The following CRPPA variants were observed in gnomAD, a reference collection of about 807,000 sequenced individuals.
CRPPA encodes the protein CDP-L-ribitol pyrophosphorylase A.
In CRPPA, 43 loss-of-function variants were observed where a neutral mutation model predicts 52.0. The observed-to-expected ratio is 0.83, with a 90% confidence interval of 0.65 to 1.07. The LOEUF (loss-of-function observed/expected upper bound fraction) is 1.07. CRPPA is among the 50% of genes least tolerant of loss of function. The pLI, the probability that CRPPA is intolerant of heterozygous loss-of-function variation, is 0.00. For synonymous variants in CRPPA, 250 were observed against 203.5 expected, an observed-to-expected ratio of 1.23 and a Z score of -1.94; for missense variants, 629 against 551.7, an observed-to-expected ratio of 1.14 and a Z score of -1.40.
At chr7:16,134,961 C>A (rs1160473222) in intron 9 of CRPPA, among the ~76,000 whole-genome samples, 1 of 152,124 alleles carries the variant, frequency 6.6e-6, no homozygotes, top group Non-Finnish European at 1.5e-5. Flanking sequence ...ACTCATATAC[C>A]TGTTTTGTTG....
At chr7:16,352,244 T>A (rs1269592379) in intron 3 of CRPPA, among the ~76,000 whole-genome samples, 1 of 150,442 alleles carries the variant, frequency 6.6e-6, no homozygotes, top group African/African-American at 2.4e-5. Flanking sequence ...GAGGGGAACA[T>A]GACACACCAT....
intron 5 of CRPPA, among the ~76,000 whole-genome samples, chr7:16,286,993 C>T (rs954397554): frequency 6.6e-6 from 1 of 152,126 alleles, no homozygotes; most frequent in African/African-American, 2.4e-5. Flanking sequence ...ATAATCATTT[C>T]AATAGTCAGC....
At chr7:16,409,361 T>C (rs1004718107) in intron 1 of CRPPA, among the ~76,000 whole-genome samples, 2 of 152,206 alleles carry the variant, frequency 1.3e-5, no homozygotes, top group African/African-American at 4.8e-5. Flanking sequence ...ATTCAGTTTG[T>C]GGTAATTTTT....
chr7:16,320,917 A>G (rs1439965693), intron 3 of CRPPA, among the ~76,000 whole-genome samples: 5 of 152,196 alleles, frequency 3.3e-5, no homozygotes, highest in South Asian at 2.1e-4. Context: ...ATATAGCTAC[A>G]ACCATCACTC....
intron 3 of CRPPA, among the ~76,000 whole-genome samples, chr7:16,372,870 C>G (rs907835621): frequency 6.6e-6 from 1 of 152,066 alleles, no homozygotes; most frequent in Admixed American, 6.5e-5. Flanking sequence ...CAAATGGAAA[C>G]CAAAAGTGGG....
Position 16,100,401 on chromosome 7 carries a change from CTT to C in CRPPA, c.1252-8604_1252-8603del, listed in dbSNP as rs540455793. Among the ~76,000 whole-genome samples the C allele has an allele frequency of 2.2e-3, 342 of 152,300 alleles. 1 individual carries two copies. Among genetic ancestry groups the C allele is most frequent in the Non-Finnish European group, 4.2e-3 (283 of 68,020 alleles). On this transcript the variant is annotated intron_variant, in intron 9 of 9. Transcript: ENST00000407010. The stretch of plus-strand genomic sequence containing the variant: ...TAAATCGTAAGATACTAAAAGATAA[CTT>C]TTCCAAATTCTAAACTCAAACATAG...
chr7:16,180,949 T>C (rs1011721305), intron 9 of CRPPA, among the ~76,000 whole-genome samples: 5 of 151,886 alleles, frequency 3.3e-5, no homozygotes, highest in African/African-American at 9.7e-5. Flanking sequence ...AAAAGGAAAA[T>C]CTGTTATGAT....
chr7:16,201,444 A>G (rs1781853828), intron 9 of CRPPA, among the ~76,000 whole-genome samples: 2 of 152,122 alleles, frequency 1.3e-5, no homozygotes, highest in Admixed American at 1.3e-4. Context: ...TCCAAGCCCA[A>G]CCATAAACGA....
chr7:16,145,600 A>G (rs1782959231), intron 9 of CRPPA, among the ~76,000 whole-genome samples: 1 of 151,690 alleles, frequency 6.6e-6, no homozygotes, highest in Admixed American at 6.6e-5. Context: ...AAAACAAGAT[A>G]TGAGGAGAAT....
At chr7:16,206,798 A>G (rs754683417) in intron 9 of CRPPA, among the ~76,000 whole-genome samples, 8 of 152,140 alleles carry the variant, frequency 5.3e-5, no homozygotes, top group Non-Finnish European at 1.0e-4. Flanking sequence ...CCTGTCCATT[A>G]AAATCCAGAG....
chr7:16,169,055 TG>T (rs1562536564), intron 9 of CRPPA, among the ~76,000 whole-genome samples: 2 of 152,284 alleles, frequency 1.3e-5, no homozygotes, highest in Non-Finnish European at 2.9e-5. Context: ...GAAATCCAAC[TG>T]TAAGAAACAA....
intron 2 of CRPPA, among the ~76,000 whole-genome samples, chr7:16,402,160 A>G (rs1287284170): frequency 6.6e-6 from 1 of 152,236 alleles, no homozygotes; most frequent in African/African-American, 2.4e-5. Flanking sequence ...TCACAAGTGA[A>G]GGAAAACAGC....
At chr7:16,324,422 C>G (rs1208442528) in intron 3 of CRPPA, among the ~76,000 whole-genome samples, 2 of 152,198 alleles carry the variant, frequency 1.3e-5, no homozygotes, top group African/African-American at 4.8e-5. Flanking sequence ...GCCTAATGAA[C>G]CAGTTTGCTG....
At chr7:16,192,397 C>G (rs1310982481) in intron 9 of CRPPA, among the ~76,000 whole-genome samples, 3 of 152,092 alleles carry the variant, frequency 2.0e-5, no homozygotes, top group African/African-American at 4.8e-5. Flanking sequence ...CATGCACAAT[C>G]TGATGTGATT....
chr7:16,391,007 C>T (rs998740093), intron 2 of CRPPA, among the ~76,000 whole-genome samples: 2 of 152,060 alleles, frequency 1.3e-5, no homozygotes, highest in African/African-American at 2.4e-5. Flanking sequence ...ACATGAAGTC[C>T]CATGACTTTA....
At chr7:16,258,835 A>G (rs1422000723) in intron 7 of CRPPA, 85 bp downstream of exon 7, 2 of 761,768 alleles carry the variant, frequency 2.6e-6, no homozygotes, top group Non-Finnish European at 4.1e-6. Context: ...TCATAATATC[A>G]TATATAAATA....
At chr7:16,091,949 C>T (rs1359946963) in intron 9 of CRPPA, 150 bp from the exon 10 acceptor site, 15 of 461,404 alleles carry the variant, frequency 3.3e-5, no homozygotes, top group Non-Finnish European at 4.9e-5. Context: ...CACGGTTCCC[C>T]GAATAAAGAG....
rs1169753280 is a variant in CRPPA at position 16,389,924 on chromosome 7, A to ATATATATAT, written c.535-13684_535-13683insATATATATA. ...ACAAGCCTAGTATACAAAAAAAAAA[A>ATATATATAT]AAAAATATATATATATATATATATA... On this transcript the variant is annotated intron_variant, in intron 2 of 9. Transcript: ENST00000407010. 2.4e-3 allele frequency among the ~76,000 whole-genome samples: 148 copies of ATATATATAT among 62,454 alleles called. 1 individual carries two copies. Among genetic ancestry groups the ATATATATAT allele is most frequent in the Non-Finnish European group, 2.5e-3 (88 of 34,792 alleles). The allele number at this position is 62,454 out of a possible 152,430, so 41.0% of individuals were successfully genotyped here.
chr7:16,301,152 T>C, intron 5 of CRPPA, among the ~76,000 whole-genome samples: 1 of 152,356 alleles, frequency 6.6e-6, no homozygotes, highest in African/African-American at 2.4e-5. Context: ...TTTGCTATTT[T>C]CCTTCTAATA....
Sources: allele counts gnomAD v4.1 joint callset (sites outside exome capture counted in the v4.1 genomes callset), GRCh38; gene constraint gnomAD v4.1.1; transcripts MANE v1.5; gene names NCBI Gene and HGNC (gene_info 2026-07-23, HGNC 2026-07-21).